HS3ST5: variants seen among roughly 807,000 people sequenced by gnomAD.
HS3ST5 encodes the protein heparan sulfate-glucosamine 3-sulfotransferase 5.
A neutral mutation model predicts 25.4 loss-of-function variants in HS3ST5; 10 were observed. The ratio of observed to expected loss-of-function variants is 0.39; its 90% CI spans 0.24 to 0.67. The LOEUF is 0.67. Among genes scored for constraint, HS3ST5 ranks in the 30% least tolerant of loss-of-function variants. The probability of loss-of-function intolerance (pLI) is 0.44; values close to 1 mark genes in which losing one functional copy is unlikely to be tolerated. For synonymous variants in HS3ST5, 170 were observed against 162.4 expected (o/e 1.05, Z -0.36); for missense variants, 324 against 420.7 (o/e 0.77, Z 2.01).
intron 3 of HS3ST5, among the ~76,000 whole-genome samples, chr6:114,104,340 A>ATT (rs928447076): frequency 2.0e-4 from 31 of 152,264 alleles, no homozygotes; most frequent in African/African-American, 7.0e-4. Flanking sequence ...CACACTCATC[A>ATT]TTTCTTTTTC....
chr6:114,127,235 A>C (rs1777086022), intron 3 of HS3ST5, among the ~76,000 whole-genome samples: 1 of 152,158 alleles, frequency 6.6e-6, no homozygotes, highest in Admixed American at 6.5e-5. Context: ...AAAAACAAAA[A>C]CAAAAAACAA....
intron 1 of HS3ST5, among the ~76,000 whole-genome samples, chr6:114,306,256 T>TATACACAC (rs756494412): frequency 0.023 from 2,625 of 115,262 alleles, 88 homozygotes; most frequent in African/African-American, 0.075. Flanking sequence ...TATATATATA[T>TATACACAC]ACACACACAC....
intron 3 of HS3ST5, among the ~76,000 whole-genome samples, chr6:114,126,057 T>C (rs959327610): frequency 6.6e-6 from 1 of 152,212 alleles, no homozygotes; most frequent in African/African-American, 2.4e-5. Context: ...GTGAATCTTA[T>C]ATTCTTGTTC....
chr6:114,306,975 G>T (rs785144), intron 1 of HS3ST5, among the ~76,000 whole-genome samples: 99,682 of 152,054 alleles, frequency 0.66, 33,131 homozygotes, highest in African/African-American at 0.72. Flanking sequence ...TAGCAGCAGC[G>T]GGTGAAGGAT....
At chr6:114,196,180 T>G (rs1780743357) in intron 2 of HS3ST5, among the ~76,000 whole-genome samples, 1 of 152,136 alleles carries the variant, frequency 6.6e-6, no homozygotes, top group Non-Finnish European at 1.5e-5. Context: ...CTTAATTCTC[T>G]TGGTTGTGAG....
intron 2 of HS3ST5, among the ~76,000 whole-genome samples, chr6:114,220,996 AC>A (rs1232942056): frequency 2.0e-5 from 3 of 152,040 alleles, no homozygotes; most frequent in African/African-American, 4.8e-5. Flanking sequence ...TTACAAAAAA[AC>A]ATACTAGGTT....
At chr6:114,283,336 C>T (rs1774203737) in intron 1 of HS3ST5, among the ~76,000 whole-genome samples, 1 of 151,776 alleles carries the variant, frequency 6.6e-6, no homozygotes, top group South Asian at 2.1e-4. Context: ...TGACAGTAAT[C>T]ATAACTTCTA....
intron 2 of HS3ST5, among the ~76,000 whole-genome samples, chr6:114,203,034 CT>C (rs1246291681): frequency 6.6e-6 from 1 of 152,226 alleles, no homozygotes; most frequent in East Asian, 1.9e-4. Flanking sequence ...GGTTAGTTAA[CT>C]GCGAAAGTGG....
At chr6:114,239,637 G>A (rs750006741) in intron 1 of HS3ST5, among the ~76,000 whole-genome samples, 6 of 152,108 alleles carry the variant, frequency 3.9e-5, no homozygotes, top group Admixed American at 2.0e-4. Flanking sequence ...CTCTAGCCTC[G>A]TTTTCTGCAG....
intron 2 of HS3ST5, among the ~76,000 whole-genome samples, chr6:114,180,970 G>T (rs1779944845): frequency 6.6e-6 from 1 of 152,178 alleles, no homozygotes; most frequent in Non-Finnish European, 1.5e-5. Context: ...AGTAACTTTT[G>T]CCACCTTAGC....
intron 2 of HS3ST5, among the ~76,000 whole-genome samples, chr6:114,218,606 T>C (rs2114476247): frequency 6.6e-6 from 1 of 152,282 alleles, no homozygotes; most frequent in Admixed American, 6.5e-5. Flanking sequence ...GGTTTTATGA[T>C]GAGCTGGGAG....
intron 2 of HS3ST5, among the ~76,000 whole-genome samples, chr6:114,221,633 T>C (rs1188898777): frequency 6.6e-6 from 1 of 151,564 alleles, no homozygotes; most frequent in Non-Finnish European, 1.5e-5. Flanking sequence ...AAAAGATACA[T>C]AAAATATTTA....
chr6:114,196,856 G>C (rs1780783818), intron 2 of HS3ST5, among the ~76,000 whole-genome samples: 1 of 130,456 alleles, frequency 7.7e-6, no homozygotes. Context: ...AGAAACTAAA[G>C]TCCAGGCAAG....
chr6:114,222,140 A>G (rs942859576), intron 2 of HS3ST5, among the ~76,000 whole-genome samples: 1 of 151,910 alleles, frequency 6.6e-6, no homozygotes, highest in African/African-American at 2.4e-5. Flanking sequence ...AACTGGAACA[A>G]AGTATAGGAT....
At chr6:114,204,209 A>G (rs1403169212) in intron 2 of HS3ST5, among the ~76,000 whole-genome samples, 2 of 152,186 alleles carry the variant, frequency 1.3e-5, no homozygotes. Flanking sequence ...GTTCCTTTTC[A>G]TAGGTCTGGA....
intron 1 of HS3ST5, among the ~76,000 whole-genome samples, chr6:114,319,472 T>C (rs1775877083): frequency 6.6e-6 from 1 of 152,162 alleles, no homozygotes; most frequent in Non-Finnish European, 1.5e-5. Context: ...GTGAAGGCCA[T>C]TTTGGAAGTC....
chr6:114,213,643 T>C (rs975414253), intron 2 of HS3ST5, among the ~76,000 whole-genome samples: 7 of 152,124 alleles, frequency 4.6e-5, no homozygotes, highest in African/African-American at 1.7e-4. Context: ...TGTCCCCAGG[T>C]ATCTCAAGAT....
chr6:114,102,476 T>C (rs1045473893), intron 3 of HS3ST5, among the ~76,000 whole-genome samples: 2 of 152,154 alleles, frequency 1.3e-5, no homozygotes, highest in Non-Finnish European at 2.9e-5. Flanking sequence ...ATTACCATGA[T>C]GGGTCCCCAA....
intron 2 of HS3ST5, among the ~76,000 whole-genome samples, chr6:114,188,457 AT>A (rs1182749969): frequency 6.6e-6 from 1 of 152,128 alleles, no homozygotes; most frequent in Non-Finnish European, 1.5e-5. Context: ...TTTGGTCTCT[AT>A]TTTTTCAAGG....
Sources: gnomAD v4.1 joint callset for allele counts (sites outside exome capture counted in the v4.1 genomes callset) on GRCh38, gnomAD v4.1.1 for gene constraint, MANE v1.5 for transcripts, NCBI Gene and HGNC (gene_info 2026-07-23, HGNC 2026-07-21) for gene names.